Variants in MAP1LC3B2 observed in about 807,000 individuals in gnomAD.
MAP1LC3B2 encodes the protein microtubule associated protein 1 light chain 3 beta 2, also known as microtubule-associated protein 1 light chain 3 beta 2.
For missense variants in MAP1LC3B2, 155 were observed against 154.6 expected (o/e 1.00, Z -0.01); for synonymous variants, 62 against 57.8 (o/e 1.07, Z -0.33).
intron 1 of MAP1LC3B2, among the ~76,000 whole-genome samples, chr12:116,574,719 A>T (rs1186542012): frequency 1.3e-5 from 2 of 151,694 alleles, no homozygotes; most frequent in Non-Finnish European, 2.9e-5. Context: ...GGTAATTTTT[A>T]GTATTTTTGT....
intron 1 of MAP1LC3B2, chr12:116,559,792 T>C (rs1869203363): frequency 6.6e-6 from 1 of 152,128 alleles, no homozygotes; most frequent in South Asian, 2.1e-4. Context: ...TCAAAGTGCT[T>C]TGTGAGACTT....
intron 1 of MAP1LC3B2, among the ~76,000 whole-genome samples, chr12:116,562,136 T>C (rs1401002519): frequency 6.6e-6 from 1 of 152,184 alleles, no homozygotes; most frequent in Non-Finnish European, 1.5e-5. Context: ...GGTTCCACTA[T>C]GTGGTGGGAT....
In MAP1LC3B2 at chr12:116,571,458, C is replaced by CTTTTTTTTTTTTTT. The variant is rs71095564; in HGVS notation, c.-101-4357_-101-4344dup. Among the ~76,000 whole-genome samples the CTTTTTTTTTTTTTT allele has an allele frequency of 2.5e-4, 12 of 48,104 alleles. 2 individuals carry two copies. The highest frequency in any genetic ancestry group is 7.8e-4 in the African/African-American group (9 of 11,606). The allele number at this position is 48,104 out of a possible 152,430, so 31.6% of individuals were successfully genotyped here. A position where few individuals can be genotyped will look rare whatever the true frequency, so the allele number is the denominator to read the frequency against. On this transcript the variant is annotated intron_variant, in intron 1 of 1. Transcript: ENST00000556529. ...TAGATGGGAGTAAGGGACTGCTGTT[C>CTTTTTTTTTTTTTT]TTTTTTTTTTTTTTTTTTTTTTTTT...
chr12:116,562,747 A>C (rs1414173208), intron 1 of MAP1LC3B2, among the ~76,000 whole-genome samples: 1 of 152,218 alleles, frequency 6.6e-6, no homozygotes, highest in African/African-American at 2.4e-5. Flanking sequence ...ATGAGCTGGT[A>C]TCTGAAATAC....
At chr12:116,560,977 C>G (rs563310740) in intron 1 of MAP1LC3B2, among the ~76,000 whole-genome samples, 1 of 152,208 alleles carries the variant, frequency 6.6e-6, no homozygotes, top group East Asian at 1.9e-4. Context: ...ATTAGCTGGG[C>G]ATGGTAGTGT....
chr12:116,576,481 A>G lies in MAP1LC3B2; in HGVS notation c.*161A>G, dbSNP rs1869690840. 7 of 914,600 alleles carry G rather than the reference A, an allele frequency of 7.7e-6. No individual in the cohort carries two copies. The South Asian group carries it at 1.3e-4, about 17-fold the overall frequency. The allele number at this position is 914,600 out of a possible 1,614,324, so 56.7% of individuals were successfully genotyped here. A position where few individuals can be genotyped will look rare whatever the true frequency, so the allele number is the denominator to read the frequency against. On this transcript the variant is annotated 3_prime_UTR_variant, in exon 2 of 2. Transcript: ENST00000556529. Reference sequence around the variant, plus strand: ...AGGAAGTTGTGTTTGTGTTTCAAGCAGAAAAACTGAGCTCCAAGTGAGCAC... The same window carrying G: ...AGGAAGTTGTGTTTGTGTTTCAAGCGGAAAAACTGAGCTCCAAGTGAGCAC...
chr12:116,574,397 T>A (rs1869616749), intron 1 of MAP1LC3B2, among the ~76,000 whole-genome samples: 1 of 152,022 alleles, frequency 6.6e-6, no homozygotes, highest in Admixed American at 6.6e-5. Flanking sequence ...ATCTACCACA[T>A]AAGGAGGCCG....
intron 1 of MAP1LC3B2, among the ~76,000 whole-genome samples, chr12:116,572,182 T>A (rs1869554276): frequency 6.6e-6 from 1 of 152,172 alleles, no homozygotes; most frequent in African/African-American, 2.4e-5. Flanking sequence ...ACCAAAGAGT[T>A]GTACCTTCAG....
At chr12:116,565,308 C>T (rs1407055796) in intron 1 of MAP1LC3B2, among the ~76,000 whole-genome samples, 3 of 152,156 alleles carry the variant, frequency 2.0e-5, no homozygotes, top group African/African-American at 4.8e-5. Flanking sequence ...ATGTGGAGGC[C>T]TCACAATCAT....
intron 1 of MAP1LC3B2, among the ~76,000 whole-genome samples, chr12:116,562,610 A>G (rs1317681594): frequency 6.6e-6 from 1 of 152,232 alleles, no homozygotes; most frequent in Non-Finnish European, 1.5e-5. Context: ...AATCTGTACC[A>G]TAAAAGAGTT....
At chr12:116,560,188 C>CCATATATATATATATATATATACA (rs1491120344) in intron 1 of MAP1LC3B2, 7 of 88,412 alleles carry the variant, frequency 7.9e-5, no homozygotes, top group African/African-American at 3.2e-4. Context: ...CTAAGTTTGG[C>CCATATATATATATATATATATACA]TATATATATA....
intron 1 of MAP1LC3B2, among the ~76,000 whole-genome samples, chr12:116,567,584 C>T (rs1869422122): frequency 6.6e-6 from 1 of 151,328 alleles, no homozygotes; most frequent in African/African-American, 2.4e-5. Flanking sequence ...CAGGTCTCTA[C>T]TAAAAATACA....
chr12:116,576,128 G>A lies in MAP1LC3B2; in HGVS notation c.186G>A (p.Glu62=), dbSNP rs774913570. 2 of 1,614,192 alleles carry A rather than the reference G, an allele frequency of 1.2e-6. No individual in the cohort carries two copies. Among genetic ancestry groups the A allele is most frequent in the Non-Finnish European group, 1.7e-6 (2 of 1,180,040 alleles). ...FLVPDHVNMS[E]LIKIIRRRLQ... ...TACCTGACCATGTCAACATGAGTGA[G>A]CTCATCAAGATAATTAGAAGGCGCT... Residue 62 remains glutamate (E), a synonymous_variant, in exon 2 of 2, where the codon GAG becomes GAA. Coordinates refer to ENST00000556529, the MANE Select transcript of MAP1LC3B2 (RefSeq NM_001085481.3).
chr12:116,568,986 C>A (rs552833631), intron 1 of MAP1LC3B2, among the ~76,000 whole-genome samples: 4 of 151,348 alleles, frequency 2.6e-5, no homozygotes, highest in African/African-American at 9.7e-5. Flanking sequence ...CAGCCTCCTG[C>A]GTACCTGGGA....
chr12:116,568,027 G>A (rs1275221975), intron 1 of MAP1LC3B2, among the ~76,000 whole-genome samples: 1 of 152,184 alleles, frequency 6.6e-6, no homozygotes, highest in Admixed American at 6.5e-5. Flanking sequence ...TTTGTTGAAC[G>A]AAAGAATGAT....
chr12:116,571,064 T>C (rs1450034933), intron 1 of MAP1LC3B2, among the ~76,000 whole-genome samples: 1 of 152,226 alleles, frequency 6.6e-6, no homozygotes, highest in Non-Finnish European at 1.5e-5. Context: ...CAAGAAAATC[T>C]ACAAGTGGCC....
chr12:116,576,587 ATTCT>A lies in MAP1LC3B2; in HGVS notation c.*268_*271del. ...AAAGTTTAAAAATAAAATACTTTGCATTCTAAAAAAAAAAAAAAATTGCCTTACA... is the reference window on the plus strand; with the variant it reads ...AAAGTTTAAAAATAAAATACTTTGCAAAAAAAAAAAAAAAATTGCCTTACA... On this transcript the variant is annotated 3_prime_UTR_variant, in exon 2 of 2. Transcript: ENST00000556529. 2.9e-6 allele frequency: 1 copy of A among 349,454 alleles called. No homozygotes were observed. Among genetic ancestry groups the A allele is most frequent in the Non-Finnish European group, 5.3e-6 (1 of 188,044 alleles). 21.6% of individuals were successfully genotyped at this position (349,454 alleles called of 1,614,324 possible).
In MAP1LC3B2 at chr12:116,576,371, A is replaced by C. The variant is rs774413895; in HGVS notation, c.*51A>C. ...GAATTTTTTAAACCCTTACCAAGGA[A>C]AAAAAAAGGGATGTTACCAACTGAG... On this transcript the variant is annotated 3_prime_UTR_variant, in exon 2 of 2. Transcript: ENST00000556529. 6.8e-7 allele frequency: 1 copy of C among 1,475,500 alleles called. No individual in the cohort carries two copies. Among genetic ancestry groups the C allele is most frequent in the African/African-American group, 2.1e-5 (1 of 47,822 alleles). 91.4% of individuals were successfully genotyped at this position (1,475,500 alleles called of 1,614,324 possible).
intron 1 of MAP1LC3B2, among the ~76,000 whole-genome samples, chr12:116,563,120 C>A (rs1869311666): frequency 6.6e-6 from 1 of 152,096 alleles, no homozygotes; most frequent in African/African-American, 2.4e-5. Flanking sequence ...CACCACCATG[C>A]CTGGTTAATT....
Sources: allele counts gnomAD v4.1 joint callset (sites outside exome capture counted in the v4.1 genomes callset), GRCh38; gene constraint gnomAD v4.1.1; transcripts MANE v1.5; gene names NCBI Gene and HGNC (gene_info 2026-07-23, HGNC 2026-07-21).